Variants in SMC4 observed in about 807,000 individuals in gnomAD.
SMC4 encodes the protein structural maintenance of chromosomes 4, also known as structural maintenance of chromosomes protein 4.
Under a neutral mutation model 145.6 loss-of-function variants are expected in SMC4, and 87 were observed. That is an observed-to-expected ratio of 0.60 (90% confidence interval 0.50 to 0.71). The LOEUF (loss-of-function observed/expected upper bound fraction) is 0.71, where lower values mean the gene tolerates loss of function less well. Ranked by LOEUF, SMC4 falls within the 30% of genes least tolerant of loss-of-function variation. SMC4 has a pLI of 0.00. For missense variants in SMC4, 1,447 were observed against 1,537.1 expected (o/e 0.94, Z 0.98); for synonymous variants, 558 against 500.7 (o/e 1.11, Z -1.53).
chr3:160,425,673 G>A (rs1717720570), intron 16 of SMC4, among the ~76,000 whole-genome samples: 1 of 152,038 alleles, frequency 6.6e-6, no homozygotes, highest in Non-Finnish European at 1.5e-5. Context: ...CCTTGATTCA[G>A]TTATTTCCTT....
chr3:160,432,462 C>G lies in SMC4; in HGVS notation c.3477C>G (p.Ala1159=), dbSNP rs142912100. ...AAATGCTTACTTTGGGAGGGGACGC[C>G]GAACTCGAGCTTGTAGACAGCTTGG... The part of the protein sequence containing the change: ...NYQMLTLGGD[A]ELELVDSLDP... The change falls in exon 22 of 24, where the codon GCC becomes GCG. Residue 1159 remains alanine, a synonymous_variant. Coordinates refer to ENST00000357388, the MANE Select transcript of SMC4 (RefSeq NM_001002800.3). The G allele has an allele frequency of 6.2e-7, 1 of 1,612,782 alleles. No individual in the cohort carries two copies. The highest frequency in any genetic ancestry group is 2.2e-5 in the East Asian group (1 of 44,854).
At chr3:160,402,159 C>T in intron 3 of SMC4, 66 bp downstream of exon 3, 1 of 1,057,146 alleles carries the variant, frequency 9.5e-7, no homozygotes. Flanking sequence ...TACGTTTTTA[C>T]AAGATGTTTC....
chr3:160,404,076 G>T, intron 4 of SMC4: 2 of 389,536 alleles, frequency 5.1e-6, no homozygotes, highest in South Asian at 7.2e-5. Context: ...TTGGAGGTGG[G>T]TTTTTTCGTT....
chr3:160,428,813 A>G lies in SMC4; in HGVS notation c.2666A>G (p.Asn889Ser), dbSNP rs758598786. The change falls in exon 18 of 24, where the codon AAT (asparagine) becomes AGT (serine). Residue 889 changes from asparagine to serine, a missense_variant. Transcript: ENST00000357388. ...KVEAEVKRLHNTIVEINNHKL... is the reference protein window; with the variant it reads ...KVEAEVKRLHSTIVEINNHKL... Reference sequence around the variant, plus strand: ...GAAGCTGAGGTTAAACGCTTACACAATACCATCGTAGAAATCAATAATCAT... The same window carrying G: ...GAAGCTGAGGTTAAACGCTTACACAGTACCATCGTAGAAATCAATAATCAT... The G allele has an allele frequency of 1.1e-5, 18 of 1,607,332 alleles. No individual in the cohort carries two copies. The highest frequency in any genetic ancestry group is 1.0e-4 in the Admixed American group (6 of 57,644).
intron 7 of SMC4, 123 bp downstream of exon 7, chr3:160,412,576 G>A: frequency 7.3e-7 from 1 of 1,362,184 alleles, no homozygotes; most frequent in Non-Finnish European, 9.5e-7. Flanking sequence ...ATATTGTTTT[G>A]TGTGACTGAA....
chr3:160,429,819 T>C (rs545510412), intron 18 of SMC4, among the ~76,000 whole-genome samples: 1 of 150,638 alleles, frequency 6.6e-6, no homozygotes, highest in Non-Finnish European at 1.5e-5. Context: ...CAGGTTCAAG[T>C]GATTCTCCTG....
At position 160,404,800 on chromosome 3, in the gene SMC4, A is replaced by T. The variant is rs775368833; in HGVS notation, c.687+296A>T. On this transcript the variant is annotated intron_variant, in intron 5 of 23. Coordinates refer to ENST00000357388, the MANE Select transcript of SMC4 (RefSeq NM_001002800.3). ...GTAGTGAAATATATATTAAACACCAATATTACTGTGCTGCTTTAGTGTGAC... is the reference window on the plus strand; with the variant it reads ...GTAGTGAAATATATATTAAACACCATTATTACTGTGCTGCTTTAGTGTGAC... The T allele has an allele frequency of 5.3e-6, 3 of 562,110 alleles. No individual in the cohort carries two copies. In the Middle Eastern group the frequency reaches 1.4e-3, roughly 260 times the overall value. 34.8% of individuals were successfully genotyped at this position (562,110 alleles called of 1,614,324 possible). A position where few individuals can be genotyped will look rare whatever the true frequency, so the allele number is the denominator to read the frequency against.
At chr3:160,417,982 C>G in intron 11 of SMC4, 26 bp downstream of exon 11, 8 of 1,558,876 alleles carry the variant, frequency 5.1e-6, no homozygotes, top group Non-Finnish European at 7.0e-6. Context: ...TCTGTTGCAT[C>G]AGAACATCAT....
At position 160,431,754 on chromosome 3, in the gene SMC4, A is replaced by G; in HGVS notation, c.3226A>G (p.Ile1076Val). 6.2e-7 allele frequency: 1 copy of G among 1,613,830 alleles called. No individual in the cohort carries two copies. Among genetic ancestry groups the G allele is most frequent in the East Asian group, 2.2e-5 (1 of 44,896 alleles). The change falls in exon 21 of 24, where the codon ATT becomes GTT. Residue 1076 changes from isoleucine to valine, a missense_variant. Transcript: ENST00000357388. ...GAATCCAGATTCTATAACAAATCAA[A>G]TTGCACTTTTGGAAGCCCGGTGTCA... Reference protein sequence around the residue: ...IKNPDSITNQIALLEARCHEM... With the variant: ...IKNPDSITNQVALLEARCHEM...
intron 2 of SMC4, among the ~76,000 whole-genome samples, chr3:160,401,688 T>G (rs1301325460): frequency 2.0e-5 from 3 of 152,216 alleles, no homozygotes; most frequent in Non-Finnish European, 4.4e-5. Context: ...GGCATTTCTT[T>G]CAAGAATTTC....
intron 12 of SMC4, among the ~76,000 whole-genome samples, chr3:160,420,057 A>G (rs929071843): frequency 7.2e-5 from 11 of 152,366 alleles, no homozygotes; most frequent in Admixed American, 1.3e-4. Flanking sequence ...AAGGCTAGCA[A>G]TAGTGAGGAC....
chr3:160,401,405 G>C (rs1361513472), intron 2 of SMC4, among the ~76,000 whole-genome samples: 1 of 152,086 alleles, frequency 6.6e-6, no homozygotes, highest in Admixed American at 6.5e-5. Flanking sequence ...AAGAGAAGAC[G>C]ATAATTTATT....
In SMC4 at chr3:160,416,424, T is replaced by G. The variant is rs773973787; in HGVS notation, c.1437+9T>G. The stretch of plus-strand genomic sequence containing the variant: ...TTCAGAAAGAAAAAGAAGTAAGTTT[T>G]TTTTTTTTATCAGTGTTTATTTTGG... On this transcript the variant is annotated intron_variant, in intron 10 of 23. Coordinates refer to ENST00000357388, the MANE Select transcript of SMC4 (RefSeq NM_001002800.3). The G allele has an allele frequency of 2.1e-6, 3 of 1,461,914 alleles. No individual in the cohort carries two copies. Among genetic ancestry groups the G allele is most frequent in the Non-Finnish European group, 2.7e-6 (3 of 1,101,506 alleles). The allele number at this position is 1,461,914 out of a possible 1,614,324, so 90.6% of individuals were successfully genotyped here.
intron 20 of SMC4, 123 bp downstream of exon 20, chr3:160,431,328 T>C: frequency 1.3e-6 from 1 of 775,036 alleles, no homozygotes; most frequent in Non-Finnish European, 2.0e-6. Context: ...TTGTGATTTT[T>C]AATTCTGTGA....
At chr3:160,425,191 A>G (rs182737407) in intron 16 of SMC4, among the ~76,000 whole-genome samples, 172 bp downstream of exon 16, 7 of 152,292 alleles carry the variant, frequency 4.6e-5, no homozygotes, top group South Asian at 2.1e-4. Context: ...GTACTAATAG[A>G]TAACGCCCTG....
chr3:160,412,094 C>T lies in SMC4; in HGVS notation c.852+10C>T. On this transcript the variant is annotated intron_variant, in intron 6 of 23. Transcript: ENST00000357388. ...ACACAGAGGAGAGAAGGTGAATCAT[C>T]TGTAGACTTTCATTGTAAATCAGAA... 6.2e-7 allele frequency: 1 copy of T among 1,604,702 alleles called. No homozygotes were observed. Among genetic ancestry groups the T allele is most frequent in the Non-Finnish European group, 8.5e-7 (1 of 1,176,074 alleles).
chr3:160,418,840 C>G (rs1236444955), intron 11 of SMC4, among the ~76,000 whole-genome samples: 1 of 151,694 alleles, frequency 6.6e-6, no homozygotes, highest in Non-Finnish European at 1.5e-5. Flanking sequence ...TTTGTGGTTC[C>G]TTTCTTGTTG....
At chr3:160,426,598 AATATATAT>A (rs906221058) in intron 17 of SMC4, among the ~76,000 whole-genome samples, 4 of 151,850 alleles carry the variant, frequency 2.6e-5, no homozygotes, top group Admixed American at 6.6e-5. Context: ...GAAAACTTAA[AATATATAT>A]ATATGTATTT....
chr3:160,408,083 T>C (rs1715547045), intron 5 of SMC4, among the ~76,000 whole-genome samples: 1 of 152,100 alleles, frequency 6.6e-6, no homozygotes, highest in African/African-American at 2.4e-5. Flanking sequence ...ACCTCAGTAA[T>C]TTTAGGCCAT....
Sources: gnomAD v4.1 joint callset for allele counts (sites outside exome capture counted in the v4.1 genomes callset) on GRCh38, gnomAD v4.1.1 for gene constraint, MANE v1.5 for transcripts, NCBI Gene and HGNC (gene_info 2026-07-23, HGNC 2026-07-21) for gene names.